KCNS3: variants seen among roughly 807,000 people sequenced by gnomAD.
KCNS3 encodes potassium voltage-gated channel modifier subfamily S member 3, also known as delayed-rectifier potassium channel regulatory subunit KCNS3.
KCNS3 carries 13 observed loss-of-function variants against 31.0 expected under a neutral mutation model. The ratio of observed to expected loss-of-function variants is 0.42; its 90% CI spans 0.27 to 0.67. The LOEUF (loss-of-function observed/expected upper bound fraction) is 0.67, where lower values mean the gene tolerates loss of function less well. KCNS3 is among the 30% of genes least tolerant of loss of function. KCNS3 has a pLI of 0.25. For synonymous variants in KCNS3, 238 were observed against 241.5 expected, an observed-to-expected ratio of 0.99 and a Z score of 0.13; for missense variants, 545 against 622.4, an observed-to-expected ratio of 0.88 and a Z score of 1.32.
chr2:17,926,080 A>G (rs933655306), intron 2 of KCNS3, among the ~76,000 whole-genome samples: 1 of 152,168 alleles, frequency 6.6e-6, no homozygotes, highest in East Asian at 1.9e-4. Flanking sequence ...CCCCCAAACA[A>G]ATTGGCCCCA....
rs1392414442 is a variant in KCNS3, at chr2:17,931,539, T to C, written c.531T>C (p.Asn177=). Reference sequence around the variant, plus strand: ...AGAAAATCTGGATTAGAATGGAGAATCCAGCGTACTGCCTGTCCGCTAAGC... The same window carrying C: ...AGAAAATCTGGATTAGAATGGAGAACCCAGCGTACTGCCTGTCCGCTAAGC... ...LRKKIWIRME[N]PAYCLSAKLI... is the part of the protein sequence containing the mutation. Residue 177 remains asparagine, a synonymous_variant, in exon 3 of 3, where the codon AAT becomes AAC. Transcript: ENST00000304101. This position sits in a 1 kb window ranked among gnomAD's most constrained non-coding sequence, Gnocchi z 5.4. 6.2e-7 allele frequency: 1 copy of C among 1,614,162 alleles called. No homozygotes were observed. The highest frequency in any genetic ancestry group is 1.3e-5 in the African/African-American group (1 of 75,042).
intron 2 of KCNS3, among the ~76,000 whole-genome samples, 188 bp from the exon 3 acceptor site, chr2:17,930,762 G>GT (rs1019154871): frequency 7.9e-5 from 12 of 152,078 alleles, no homozygotes; most frequent in Non-Finnish European, 1.3e-4. Flanking sequence ...AAAATCCTAA[G>GT]TTTTTTTGGG....
intron 2 of KCNS3, among the ~76,000 whole-genome samples, chr2:17,921,911 G>GTATATATATATA (rs781288456): frequency 7.0e-5 from 7 of 100,434 alleles, no homozygotes; most frequent in East Asian, 2.6e-4. Context: ...ATGTGTGTGT[G>GTATATATATATA]TGTGTATATA....
Position 17,892,090 on chromosome 2 carries a change from A to G in KCNS3, c.-252+13284A>G, listed in dbSNP as rs149653124. Among the ~76,000 whole-genome samples, 582 of 152,236 alleles carry G rather than the reference A, an allele frequency of 3.8e-3. 8 individuals are homozygous for G. Among genetic ancestry groups the G allele is most frequent in the Non-Finnish European group, 2.7e-3 (185 of 68,016 alleles). ...TTCTTAGGTTTGGTCATGTAACATA[A>G]TCCCATACTTCTTAGAGGCTTTGTT... On this transcript the variant is annotated intron_variant, in intron 1 of 2. Coordinates refer to ENST00000304101, the MANE Select transcript of KCNS3 (RefSeq NM_002252.5).
intron 2 of KCNS3, 87 bp from the exon 3 acceptor site, chr2:17,930,854 TTAATGTAGC>T: frequency 1.4e-6 from 1 of 709,614 alleles, no homozygotes; most frequent in African/African-American, 1.8e-5. Context: ...TGCTTTGCTT[TTAATGTAGC>T]CCATCCTCCT....
intron 1 of KCNS3, among the ~76,000 whole-genome samples, chr2:17,885,042 TA>T: frequency 6.6e-6 from 1 of 152,094 alleles, no homozygotes; most frequent in East Asian, 1.9e-4. Context: ...TAATGTGGGT[TA>T]TTTTTTATAA....
Position 17,920,998 on chromosome 2 carries a change from G to A in KCNS3, c.-60+3127G>A, listed in dbSNP as rs114794184. Among the ~76,000 whole-genome samples the A allele has an allele frequency of 8.5e-3, 1,292 of 152,306 alleles. 17 individuals are homozygous for A. The highest frequency in any genetic ancestry group is 0.029 in the African/African-American group (1,223 of 41,562). ...CCTCAGATGTCCCCATTTGCAACACGGGAGTCTAAGGTCTATGACTTAGGG... is the reference window on the plus strand; with the variant it reads ...CCTCAGATGTCCCCATTTGCAACACAGGAGTCTAAGGTCTATGACTTAGGG... On this transcript the variant is annotated intron_variant, in intron 2 of 2. Coordinates refer to ENST00000304101, the MANE Select transcript of KCNS3 (RefSeq NM_002252.5).
chr2:17,901,809 A>C (rs1033744098), intron 1 of KCNS3, among the ~76,000 whole-genome samples: 4 of 152,062 alleles, frequency 2.6e-5, no homozygotes, highest in African/African-American at 7.2e-5. Context: ...AAAATTGGGG[A>C]AGTTTTTTAT....
At chr2:17,921,106 G>T (rs967920980) in intron 2 of KCNS3, among the ~76,000 whole-genome samples, 1 of 152,162 alleles carries the variant, frequency 6.6e-6, no homozygotes, top group Non-Finnish European at 1.5e-5. Flanking sequence ...TGCACCAGTT[G>T]TTGAGAATAA....
chr2:17,884,256 T>TAAAAA (rs34385647), intron 1 of KCNS3, among the ~76,000 whole-genome samples: 8 of 86,782 alleles, frequency 9.2e-5, no homozygotes, highest in African/African-American at 3.2e-4. Context: ...AAAGTATAAT[T>TAAAAA]AAAAAAAAAA....
intron 1 of KCNS3, among the ~76,000 whole-genome samples, chr2:17,908,186 T>C (rs1433590892): frequency 6.6e-6 from 1 of 152,224 alleles, no homozygotes; most frequent in African/African-American, 2.4e-5. Context: ...TCTAAACTTC[T>C]CTTCTCACTT....
chr2:17,916,230 A>G (rs1662583078), intron 1 of KCNS3, among the ~76,000 whole-genome samples: 1 of 152,224 alleles, frequency 6.6e-6, no homozygotes, highest in Non-Finnish European at 1.5e-5. Flanking sequence ...GGGAAAGGAA[A>G]ACTATGTGTG....
At chr2:17,906,584 T>C (rs987194773) in intron 1 of KCNS3, among the ~76,000 whole-genome samples, 10 of 152,238 alleles carry the variant, frequency 6.6e-5, no homozygotes, top group Non-Finnish European at 8.8e-5. Flanking sequence ...TCCTGCTTTC[T>C]CTTGTGGGCA....
chr2:17,880,247 G>A (rs929064149), intron 1 of KCNS3, among the ~76,000 whole-genome samples: 1 of 152,202 alleles, frequency 6.6e-6, no homozygotes, highest in African/African-American at 2.4e-5. Flanking sequence ...GCTGAACTTG[G>A]TGTAATGTGC....
chr2:17,903,910 A>G (rs536458027), intron 1 of KCNS3, among the ~76,000 whole-genome samples: 1 of 152,328 alleles, frequency 6.6e-6, no homozygotes, highest in African/African-American at 2.4e-5. Context: ...TAGTGCTGCA[A>G]TAAACATACG....
intron 1 of KCNS3, among the ~76,000 whole-genome samples, chr2:17,894,570 C>T (rs890322237): frequency 7.2e-5 from 11 of 152,226 alleles, no homozygotes; most frequent in African/African-American, 2.7e-4. Flanking sequence ...CCTTGTTAAA[C>T]TGACTTCAGT....
chr2:17,882,511 G>A (rs890886031), intron 1 of KCNS3, among the ~76,000 whole-genome samples: 5 of 152,300 alleles, frequency 3.3e-5, no homozygotes, highest in Non-Finnish European at 7.3e-5. Context: ...CAGAACAGGA[G>A]GGAGTGAGCT....
chr2:17,931,892 T>C lies in KCNS3; in HGVS notation c.884T>C (p.Met295Thr), dbSNP rs1662992247. 1 of 1,614,008 alleles carries C rather than the reference T, an allele frequency of 6.2e-7. No individual in the cohort carries two copies. Among genetic ancestry groups the C allele is most frequent in the Non-Finnish European group, 8.5e-7 (1 of 1,180,004 alleles). The change falls in exon 3 of 3, where the codon ATG becomes ACG. Residue 295 changes from methionine (M) to threonine (T), a missense_variant. Coordinates refer to ENST00000304101, the MANE Select transcript of KCNS3 (RefSeq NM_002252.5). This position sits in a 1 kb window ranked among gnomAD's most constrained non-coding sequence, Gnocchi z 5.4. ...AAGGTGGTCCAGATCCTACGGCTTA[T>C]GAGGATTTTCCGAATTCTAAAGCTT... ...MGKVVQILRL[M>T]RIFRILKLAR...
chr2:17,917,669 T>G lies in KCNS3; in HGVS notation c.-251-11T>G, dbSNP rs2125248912. On this transcript the variant is annotated splice_polypyrimidine_tract_variant and intron_variant, in intron 1 of 2. Transcript: ENST00000304101. Reference sequence around the variant, plus strand: ...TTGCAGTTACAGCTTGGCTGATGGTTTTTTCTGCAGGTGAGAGTGATTTTC... The same window carrying G: ...TTGCAGTTACAGCTTGGCTGATGGTGTTTTCTGCAGGTGAGAGTGATTTTC... 6.5e-6 allele frequency: 1 copy of G among 152,748 alleles called. No homozygotes were observed. Among genetic ancestry groups the G allele is most frequent in the South Asian group, 2.1e-4 (1 of 4,820 alleles). The allele number at this position is 152,748 out of a possible 1,614,324, so 9.5% of individuals were successfully genotyped here.
Sources: allele counts gnomAD v4.1 joint callset (sites outside exome capture counted in the v4.1 genomes callset), GRCh38; gene constraint gnomAD v4.1.1; non-coding constraint Gnocchi (gnomAD v3.1); transcripts MANE v1.5; gene names NCBI Gene and HGNC (gene_info 2026-07-23, HGNC 2026-07-21).